Variants in ADORA2B observed in about 807,000 individuals in gnomAD.
The protein encoded by ADORA2B is adenosine A2b receptor, also known as adenosine receptor A2b.
ADORA2B carries 18 observed loss-of-function variants against 20.8 expected under a neutral mutation model. That is an observed-to-expected ratio of 0.87 (90% CI 0.60 to 1.29). ADORA2B has a LOEUF of 1.29. Ranked by LOEUF, ADORA2B falls within the 50% of genes most tolerant of loss-of-function variation. The probability of loss-of-function intolerance (pLI) is 0.00; values close to 1 mark genes in which losing one functional copy is unlikely to be tolerated. For synonymous variants in ADORA2B, 179 were observed against 178.3 expected (o/e 1.00, Z -0.03); for missense variants, 441 against 422.7 (o/e 1.04, Z -0.38).
chr17:15,883,711 G>A, the ADORA2B span, among the ~76,000 whole-genome samples: 1 of 152,242 alleles, frequency 6.6e-6, no homozygotes, highest in Admixed American at 6.5e-5. Flanking sequence ...TAAGGTGGAA[G>A]AACCTCTTTG....
At chr17:15,956,340 A>G (rs1969965892) in intron 1 of ADORA2B, among the ~76,000 whole-genome samples, 1 of 151,960 alleles carries the variant, frequency 6.6e-6, no homozygotes, top group African/African-American at 2.4e-5. Flanking sequence ...GGGGGAGGGG[A>G]TCAATGCCAC....
the ADORA2B span, among the ~76,000 whole-genome samples, chr17:15,939,713 T>C: frequency 2.0e-5 from 3 of 151,740 alleles, no homozygotes; most frequent in Admixed American, 2.0e-4. Context: ...AAAAAAAAAT[T>C]AGCCGGGTGT....
chr17:15,891,236 C>T, the ADORA2B span, among the ~76,000 whole-genome samples: 2 of 152,146 alleles, frequency 1.3e-5, no homozygotes, highest in Non-Finnish European at 2.9e-5. Flanking sequence ...ACCTGCACTC[C>T]AGCCTGGGTG....
the ADORA2B span, among the ~76,000 whole-genome samples, chr17:15,920,675 C>G: frequency 1.7e-4 from 26 of 148,772 alleles, no homozygotes; most frequent in East Asian, 4.2e-3. Context: ...GAGCCAAGAT[C>G]GTGCCACTGC....
intron 1 of ADORA2B, among the ~76,000 whole-genome samples, chr17:15,972,983 A>G (rs1235169871): frequency 6.6e-6 from 1 of 152,148 alleles, no homozygotes; most frequent in Non-Finnish European, 1.5e-5. Context: ...CTGGTCTCCA[A>G]CTTGTGATCT....
the ADORA2B span, among the ~76,000 whole-genome samples, chr17:15,877,513 C>T: frequency 5.9e-5 from 9 of 152,018 alleles, no homozygotes; most frequent in African/African-American, 2.2e-4. Context: ...AAGGGCCTTC[C>T]AGTCTCCTGC....
the ADORA2B span, among the ~76,000 whole-genome samples, chr17:15,867,577 G>A: frequency 6.7e-6 from 1 of 149,526 alleles, no homozygotes; most frequent in South Asian, 2.1e-4. Context: ...GGGAGGCGGG[G>A]GTCAGCCCCC....
At chr17:15,909,511 C>T in the ADORA2B span, among the ~76,000 whole-genome samples, 2 of 152,332 alleles carry the variant, frequency 1.3e-5, no homozygotes, top group Non-Finnish European at 2.9e-5. Flanking sequence ...ACACCTCTGC[C>T]ACCATAGTCT....
chr17:15,887,689 T>C, the ADORA2B span, among the ~76,000 whole-genome samples: 298 of 127,536 alleles, frequency 2.3e-3, 71 homozygotes, highest in Non-Finnish European at 4.0e-3. Flanking sequence ...CGCTCACGCC[T>C]GTAATCCCAG....
At chr17:15,956,718 C>T (rs1011746364) in intron 1 of ADORA2B, among the ~76,000 whole-genome samples, 5 of 151,628 alleles carry the variant, frequency 3.3e-5, no homozygotes, top group African/African-American at 1.2e-4. Context: ...GCCTCAGCCT[C>T]CCAAGTAGCT....
intron 1 of ADORA2B, among the ~76,000 whole-genome samples, chr17:15,972,662 G>T (rs966101957): frequency 6.6e-6 from 1 of 152,186 alleles, no homozygotes; most frequent in Non-Finnish European, 1.5e-5. Context: ...GATACATGTT[G>T]TATCTCTCAA....
chr17:15,920,286 G>C, the ADORA2B span, among the ~76,000 whole-genome samples: 1 of 152,198 alleles, frequency 6.6e-6, no homozygotes, highest in Non-Finnish European at 1.5e-5. Flanking sequence ...CTATTCAGGT[G>C]ATGGCTATAC....
chr17:15,949,924 A>G (rs576022565), intron 1 of ADORA2B, among the ~76,000 whole-genome samples: 2 of 152,212 alleles, frequency 1.3e-5, no homozygotes, highest in Admixed American at 6.5e-5. Context: ...AGCTTTCCCA[A>G]GAGCTCCCTC....
At chr17:15,867,495 G>A in the ADORA2B span, among the ~76,000 whole-genome samples, 1 of 149,046 alleles carries the variant, frequency 6.7e-6, no homozygotes, top group Non-Finnish European at 1.5e-5. Flanking sequence ...GAAGTGAGGA[G>A]CCCCTCTGCC....
the ADORA2B span, among the ~76,000 whole-genome samples, chr17:15,926,437 A>T: frequency 6.6e-6 from 1 of 152,074 alleles, no homozygotes; most frequent in Admixed American, 6.6e-5. Context: ...GGGTGACACG[A>T]TATGAGCAGA....
chr17:15,878,350 T>A, the ADORA2B span, among the ~76,000 whole-genome samples: 24 of 152,190 alleles, frequency 1.6e-4, no homozygotes, highest in Non-Finnish European at 3.4e-4. Context: ...TGCTGTTCCC[T>A]TCTGTGGCTC....
upstream of ADORA2B, among the ~76,000 whole-genome samples, chr17:15,942,980 C>G (rs1969757892): frequency 6.6e-6 from 1 of 152,208 alleles, no homozygotes; most frequent in South Asian, 2.1e-4. Context: ...CTCTGCCACT[C>G]CAAGGAAGTG....
chr17:15,885,720 A>C, the ADORA2B span, among the ~76,000 whole-genome samples: 7 of 152,102 alleles, frequency 4.6e-5, no homozygotes, highest in East Asian at 7.7e-4. Context: ...TATCAAAAAA[A>C]AAAAACAAAA....
chr17:15,872,403 G>T, the ADORA2B span, among the ~76,000 whole-genome samples: 2 of 152,048 alleles, frequency 1.3e-5, no homozygotes, highest in African/African-American at 4.8e-5. Flanking sequence ...CTCTTTTTTG[G>T]TTCCATATGA....
Sources: allele counts gnomAD v4.1 joint callset (sites outside exome capture counted in the v4.1 genomes callset), GRCh38; gene constraint gnomAD v4.1.1; transcripts MANE v1.5; gene names NCBI Gene and HGNC (gene_info 2026-07-23, HGNC 2026-07-21).